TLE3: variants seen among roughly 807,000 people sequenced by gnomAD.
TLE3 encodes transducin-like enhancer protein 3.
Under a neutral mutation model 93.0 loss-of-function variants are expected in TLE3, and 14 were observed. The observed-to-expected ratio is 0.15, with a 90% confidence interval of 0.10 to 0.24. The LOEUF is 0.24. Among genes scored for constraint, TLE3 ranks in the 10% least tolerant of loss-of-function variants. The probability of loss-of-function intolerance (pLI) is 1.00; values close to 1 mark genes in which losing one functional copy is unlikely to be tolerated. For missense variants in TLE3, 693 were observed against 1,046.6 expected, an observed-to-expected ratio of 0.66 and a Z score of 4.66; for synonymous variants, 451 against 425.0, an observed-to-expected ratio of 1.06 and a Z score of -0.75.
chr15:70,068,998 G>C (rs1309650794), intron 6 of TLE3, among the ~76,000 whole-genome samples: 1 of 152,248 alleles, frequency 6.6e-6, no homozygotes, highest in Non-Finnish European at 1.5e-5. Context: ...GATCACATGT[G>C]TGACTACAGG....
intron 7 of TLE3, 53 bp from the exon 8 acceptor site, chr15:70,064,523 A>G: frequency 6.2e-7 from 1 of 1,612,512 alleles, no homozygotes. Flanking sequence ...CCAAAACAAA[A>G]AGACAAAAAA....
intron 4 of TLE3, among the ~76,000 whole-genome samples, chr15:70,088,962 G>T (rs1040106198): frequency 6.9e-6 from 1 of 144,358 alleles, no homozygotes; most frequent in Admixed American, 6.8e-5. Context: ...GGGAGCCACC[G>T]GGTGGGGAGC....
chr15:70,074,503 G>C, intron 6 of TLE3, 30 bp downstream of exon 6: 1 of 1,603,050 alleles, frequency 6.2e-7, no homozygotes, highest in Non-Finnish European at 8.5e-7. Context: ...CTATACACAC[G>C]GTAAGAGGCA....
intron 4 of TLE3, among the ~76,000 whole-genome samples, chr15:70,091,325 C>T (rs2058296970): frequency 6.6e-6 from 1 of 152,282 alleles, no homozygotes; most frequent in Non-Finnish European, 1.5e-5. Flanking sequence ...GACCCAGCTT[C>T]TCAGAGAGCC....
rs1491291828 is a variant in TLE3 at position 70,048,659 on chromosome 15, A to AC, written c.*1437dup. On this transcript the variant is annotated 3_prime_UTR_variant, in exon 20 of 20. Coordinates refer to ENST00000451782, the MANE Select transcript of TLE3 (RefSeq NM_001105192.3). Reference sequence around the variant, plus strand: ...AAAAAAGACCAAAAGGAAAAAAAAAACAAACAAAAAAAACCCAACCCAAAT... The same window carrying AC: ...AAAAAAGACCAAAAGGAAAAAAAAAACCAAACAAAAAAAACCCAACCCAAAT... The AC allele has an allele frequency of 2.0e-5, 3 of 151,066 alleles. No individual in the cohort carries two copies. The highest frequency in any genetic ancestry group is 4.4e-5 in the Non-Finnish European group (3 of 67,624). 9.4% of individuals were successfully genotyped at this position (151,066 alleles called of 1,614,324 possible).
chr15:70,074,507 A>C, intron 6 of TLE3, 26 bp downstream of exon 6: 1 of 1,606,188 alleles, frequency 6.2e-7, no homozygotes. Context: ...ACACACGGTA[A>C]GAGGCAGATT....
intron 3 of TLE3, among the ~76,000 whole-genome samples, chr15:70,095,154 A>T (rs1041284203): frequency 6.6e-6 from 1 of 152,154 alleles, no homozygotes; most frequent in Non-Finnish European, 1.5e-5. Flanking sequence ...TACTCTGGCT[A>T]GATCCCAGCT....
chr15:70,095,443 G>C (rs1179030405), intron 3 of TLE3, 135 bp downstream of exon 3: 1 of 1,539,228 alleles, frequency 6.5e-7, no homozygotes, highest in Non-Finnish European at 8.8e-7. Context: ...GGCAAGACCA[G>C]ATTATGCCCT....
intron 2 of TLE3, 154 bp downstream of exon 2, chr15:70,096,006 CG>C (rs1161230012): frequency 2.2e-6 from 2 of 928,640 alleles, no homozygotes; most frequent in Non-Finnish European, 3.1e-6. Flanking sequence ...AGGGTTAAGG[CG>C]GCGCGCTCGG....
In TLE3 at chr15:70,058,865, G is replaced by C; in HGVS notation, c.766-50C>G. 2 of 1,497,970 alleles carry C rather than the reference G, an allele frequency of 1.3e-6. No individual in the cohort carries two copies. Among genetic ancestry groups the C allele is most frequent in the Middle Eastern group, 1.8e-4 (1 of 5,558 alleles). 92.8% of individuals were successfully genotyped at this position (1,497,970 alleles called of 1,614,324 possible). On this transcript the variant is annotated intron_variant, in intron 10 of 19. Coordinates refer to ENST00000451782, the MANE Select transcript of TLE3 (RefSeq NM_001105192.3). The surrounding 1 kb of genome is among the most constrained non-coding windows in gnomAD (Gnocchi z 4.1). ...TGCACTGAAAGCAACAGCCAGCCTC[G>C]AGGCTTCCCTGCTCTGGGAGTGGGA... is the stretch of plus-strand genomic sequence containing the variant.
At chr15:70,074,702 C>G in intron 5 of TLE3, 95 bp from the exon 6 acceptor site, 1 of 991,662 alleles carries the variant, frequency 1.0e-6, no homozygotes. Flanking sequence ...CGGAGAGGCC[C>G]AGAGCAGACA....
chr15:70,055,878 C>A, intron 14 of TLE3: 1 of 295,548 alleles, frequency 3.4e-6, no homozygotes, highest in Non-Finnish European at 6.5e-6. Context: ...AAGTGAAGGG[C>A]CGGGGAGAGT....
At chr15:70,084,476 C>CT (rs2057948501) in intron 4 of TLE3, among the ~76,000 whole-genome samples, 1 of 152,228 alleles carries the variant, frequency 6.6e-6, no homozygotes, top group Non-Finnish European at 1.5e-5. Context: ...TTACTGAATT[C>CT]TGAAAGGTTT....
At chr15:70,066,881 TC>T (rs1313030799) in intron 6 of TLE3, 2 of 370,766 alleles carry the variant, frequency 5.4e-6, no homozygotes, top group Non-Finnish European at 5.5e-6. Flanking sequence ...CTCTGGCACT[TC>T]CTAGCTGTGT....
chr15:70,067,946 CT>C (rs1250891321), intron 6 of TLE3, among the ~76,000 whole-genome samples: 1 of 152,202 alleles, frequency 6.6e-6, no homozygotes, highest in African/African-American at 2.4e-5. Flanking sequence ...CACATCTGCA[CT>C]GAGACACTAT....
intron 13 of TLE3, among the ~76,000 whole-genome samples, chr15:70,057,145 C>T (rs1008422643): frequency 6.6e-6 from 1 of 152,230 alleles, no homozygotes; most frequent in African/African-American, 2.4e-5. Context: ...ACCTGACTTG[C>T]CCTGGGATTC....
intron 5 of TLE3, 105 bp downstream of exon 5, chr15:70,075,991 G>GGGCTGA: frequency 9.4e-7 from 1 of 1,061,488 alleles, no homozygotes; most frequent in Admixed American, 1.8e-5. Context: ...GAATGGACAG[G>GGGCTGA]GGCTGAGGCT....
At position 70,060,522 on chromosome 15, in the gene TLE3, G is replaced by C; in HGVS notation, c.714+8C>G. On this transcript the variant is annotated splice_region_variant and intron_variant, in intron 9 of 19. Coordinates refer to ENST00000451782, the MANE Select transcript of TLE3 (RefSeq NM_001105192.3). Reference sequence around the variant, plus strand: ...AACCCCAGTGGTGCCATGGCGCCTTGGACGTACGTATCGGCTCAAGCTGTC... The same window carrying C: ...AACCCCAGTGGTGCCATGGCGCCTTCGACGTACGTATCGGCTCAAGCTGTC... 1 of 1,613,614 alleles carries C rather than the reference G, an allele frequency of 6.2e-7. No individual in the cohort carries two copies.
rs770244015 is a variant in TLE3 at position 70,079,413 on chromosome 15, T to C, written c.235-3255A>G. The C allele has an allele frequency of 1.3e-5, 6 of 461,242 alleles. No homozygotes were observed. The East Asian group carries it at 4.7e-4, about 36-fold the overall frequency. 28.6% of individuals were successfully genotyped at this position (461,242 alleles called of 1,614,324 possible). A position where few individuals can be genotyped will look rare whatever the true frequency, so the allele number is the denominator to read the frequency against. On this transcript the variant is annotated intron_variant, in intron 4 of 19. Coordinates refer to ENST00000451782, the MANE Select transcript of TLE3 (RefSeq NM_001105192.3). The stretch of plus-strand genomic sequence containing the variant: ...CTGGGCTTACGTTGGGAGAACCTCC[T>C]GGTTCACCGTAAAAGTTCTCCCAAC...
Sources: allele counts gnomAD v4.1 joint callset (sites outside exome capture counted in the v4.1 genomes callset), GRCh38; gene constraint gnomAD v4.1.1; non-coding constraint Gnocchi (gnomAD v3.1); transcripts MANE v1.5; gene names NCBI Gene and HGNC (gene_info 2026-07-23, HGNC 2026-07-21).